Variants in CAV1 observed in about 807,000 individuals in gnomAD.
CAV1 encodes caveolin 1, also known as caveolin-1.
In CAV1, 10 loss-of-function variants were observed where a neutral mutation model predicts 16.5. The observed-to-expected ratio is 0.61, with a 90% CI of 0.37 to 1.03. The LOEUF is 1.03. Ranked by LOEUF, CAV1 falls within the 50% of genes least tolerant of loss-of-function variation. The pLI is 0.01. For missense variants in CAV1, 212 were observed against 232.8 expected (o/e 0.91, Z 0.58); for synonymous variants, 76 against 85.1 (o/e 0.89, Z 0.59).
chr7:116,536,100 AT>A (rs1793808130), intron 2 of CAV1, among the ~76,000 whole-genome samples: 1 of 152,150 alleles, frequency 6.6e-6, no homozygotes, highest in East Asian at 1.9e-4. Flanking sequence ...GTCAAACACA[AT>A]TACATTTTCT....
intron 2 of CAV1, among the ~76,000 whole-genome samples, chr7:116,555,585 A>G (rs1355703470): frequency 9.3e-6 from 1 of 107,024 alleles, no homozygotes. Context: ...AGAAAGAAAG[A>G]AAGAAAGAAA....
At chr7:116,539,332 G>A (rs1316908502) in intron 2 of CAV1, among the ~76,000 whole-genome samples, 1 of 152,008 alleles carries the variant, frequency 6.6e-6, no homozygotes, top group Non-Finnish European at 1.5e-5. Context: ...TATCCTTCAA[G>A]CAGAGCAATG....
chr7:116,559,086 A>G lies in CAV1; in HGVS notation c.336A>G (p.Ala112=). ...LLSALFGIPM[A]LIWGIYFAIL... is the part of the protein sequence containing the mutation. ...CTGCCCTCTTTGGCATCCCGATGGCACTCATCTGGGGCATTTACTTCGCCA... is the reference window on the plus strand; with the variant it reads ...CTGCCCTCTTTGGCATCCCGATGGCGCTCATCTGGGGCATTTACTTCGCCA... The change falls in exon 3 of 3, where the codon GCA becomes GCG. Residue 112 remains alanine, a synonymous_variant. Coordinates refer to ENST00000341049, the MANE Select transcript of CAV1 (RefSeq NM_001753.5). 1.2e-6 allele frequency: 2 copies of G among 1,613,758 alleles called. No individual in the cohort carries two copies. Among genetic ancestry groups the G allele is most frequent in the Non-Finnish European group, 1.7e-6 (2 of 1,179,854 alleles).
chr7:116,537,370 G>T (rs571619864), intron 2 of CAV1, among the ~76,000 whole-genome samples: 33 of 152,214 alleles, frequency 2.2e-4, no homozygotes, highest in African/African-American at 7.7e-4. Flanking sequence ...AGGAGATGGG[G>T]TGCTTCTTCC....
intron 1 of CAV1, chr7:116,525,743 G>A (rs1267635070): frequency 9.5e-7 from 1 of 1,056,104 alleles, no homozygotes; most frequent in Non-Finnish European, 1.2e-6. Flanking sequence ...ACACGTAGCT[G>A]CCCTTCAGCC....
At chr7:116,541,529 T>C (rs1024630781) in intron 2 of CAV1, among the ~76,000 whole-genome samples, 1 of 152,114 alleles carries the variant, frequency 6.6e-6, no homozygotes, top group African/African-American at 2.4e-5. Context: ...GGTGGATAGA[T>C]GACTTGAGCC....
At chr7:116,554,093 G>T (rs1794217121) in intron 2 of CAV1, among the ~76,000 whole-genome samples, 1 of 152,170 alleles carries the variant, frequency 6.6e-6, no homozygotes, top group South Asian at 2.1e-4. Flanking sequence ...TATCTCATAT[G>T]TGACTCTATT....
chr7:116,533,066 G>A (rs941724709), intron 2 of CAV1, among the ~76,000 whole-genome samples: 5 of 152,154 alleles, frequency 3.3e-5, no homozygotes, highest in Non-Finnish European at 7.4e-5. Flanking sequence ...AAAAGGCTGG[G>A]CGCAGTGACT....
At position 116,560,019 on chromosome 7, in the gene CAV1, G is replaced by A. The variant is rs1415032738; in HGVS notation, c.*732G>A. 12 of 395,328 alleles carry A rather than the reference G, an allele frequency of 3.0e-5. No homozygotes were observed. Among genetic ancestry groups the A allele is most frequent in the Non-Finnish European group, 4.9e-5 (11 of 224,300 alleles). 24.5% of individuals were successfully genotyped at this position (395,328 alleles called of 1,614,324 possible). On this transcript the variant is annotated 3_prime_UTR_variant, in exon 3 of 3. Transcript: ENST00000341049. The stretch of plus-strand genomic sequence containing the variant: ...CTCGCTTTAGGTCAGCAGCCTCCCT[G>A]AAGACCAAAATTAGAATATCCATGA...
intron 2 of CAV1, chr7:116,527,029 G>T (rs1017058630): frequency 7.3e-5 from 27 of 371,512 alleles, no homozygotes; most frequent in Non-Finnish European, 2.6e-5. Context: ...CGGTGAGATG[G>T]TTCCTATCCA....
chr7:116,526,688 A>C lies in CAV1; in HGVS notation c.194A>C (p.Lys65Thr), dbSNP rs759912234. 6.2e-7 allele frequency: 1 copy of C among 1,614,126 alleles called. No homozygotes were observed. ...AAACACCTCAACGATGACGTGGTCA[A>C]GGTAAGCCAAGGCGACCAACAGGGA... ...DPKHLNDDVVKIDFEDVIAEP... is the reference protein window; with the variant it reads ...DPKHLNDDVVTIDFEDVIAEP... Residue 65 changes from lysine to threonine, a missense_variant and splice_region_variant, in exon 2 of 3, where the codon AAG becomes ACG. By Grantham distance (78) the Lys-to-Thr change is moderately conservative. Transcript: ENST00000341049.
chr7:116,536,853 A>T (rs867675367), intron 2 of CAV1, among the ~76,000 whole-genome samples: 115 of 151,044 alleles, frequency 7.6e-4, no homozygotes, highest in African/African-American at 2.6e-3. Flanking sequence ...AATACAAAAA[A>T]TTAGCCGGGC....
At chr7:116,528,095 C>T (rs1386703653) in intron 2 of CAV1, among the ~76,000 whole-genome samples, 1 of 148,996 alleles carries the variant, frequency 6.7e-6, no homozygotes, top group Non-Finnish European at 1.5e-5. Flanking sequence ...CCACCCTTCT[C>T]ATGTGGCTTT....
At position 116,559,228 on chromosome 7, in the gene CAV1, T is replaced by C; in HGVS notation, c.478T>C (p.Phe160Leu). 1 of 1,614,008 alleles carries C rather than the reference T, an allele frequency of 6.2e-7. No individual in the cohort carries two copies. The highest frequency in any genetic ancestry group is 8.5e-7 in the Non-Finnish European group (1 of 1,179,890). The change falls in exon 3 of 3, where the codon TTT becomes CTT. Residue 160 changes from phenylalanine (F) to leucine (L), a missense_variant. Transcript: ENST00000341049. ...IYVHTVCDPL[F>L]EAVGKIFSNV... ...CGTCCACACCGTCTGTGACCCACTCTTTGAAGCTGTTGGGAAAATATTCAG... is the reference window on the plus strand; with the variant it reads ...CGTCCACACCGTCTGTGACCCACTCCTTGAAGCTGTTGGGAAAATATTCAG...
chr7:116,543,889 G>A (rs143785086), intron 2 of CAV1, among the ~76,000 whole-genome samples: 1 of 152,166 alleles, frequency 6.6e-6, no homozygotes, highest in Non-Finnish European at 1.5e-5. Flanking sequence ...AGAGCTACAG[G>A]GCAGAAACAC....
chr7:116,558,583 T>TA (rs35500345), intron 2 of CAV1, among the ~76,000 whole-genome samples: 12,404 of 132,244 alleles, frequency 0.094, 667 homozygotes, highest in East Asian at 0.2. Flanking sequence ...CTCCATCTCT[T>TA]AAAAAAAAAA....
In CAV1 at chr7:116,526,461, A is replaced by G. The variant is rs1163632861; in HGVS notation, c.31-64A>G. ...TCTCATCGCTTGTTTTTCTTTTTGC[A>G]TTTTTCCTCCCACCGCCGTTGCCGC... On this transcript the variant is annotated intron_variant, in intron 1 of 2. Coordinates refer to ENST00000341049, the MANE Select transcript of CAV1 (RefSeq NM_001753.5). 18 of 1,607,956 alleles carry G rather than the reference A, an allele frequency of 1.1e-5. No individual in the cohort carries two copies. In the East Asian group the frequency reaches 2.9e-4, roughly 26 times the overall value.
At chr7:116,543,891 C>A (rs1312603884) in intron 2 of CAV1, among the ~76,000 whole-genome samples, 1 of 152,154 alleles carries the variant, frequency 6.6e-6, no homozygotes, top group Non-Finnish European at 1.5e-5. Flanking sequence ...AGCTACAGGG[C>A]AGAAACACTG....
intron 2 of CAV1, among the ~76,000 whole-genome samples, chr7:116,531,252 T>C (rs1344926642): frequency 6.6e-6 from 1 of 152,156 alleles, no homozygotes; most frequent in East Asian, 1.9e-4. Context: ...AGAGGAAAAA[T>C]GTGTTTAGAT....
Sources: allele counts gnomAD v4.1 joint callset (sites outside exome capture counted in the v4.1 genomes callset), GRCh38; gene constraint gnomAD v4.1.1; transcripts MANE v1.5; gene names NCBI Gene and HGNC (gene_info 2026-07-23, HGNC 2026-07-21).